DIP2C: variants seen among roughly 807,000 people sequenced by gnomAD.
DIP2C encodes DIP2 acetate--CoA ligase C (putative), also known as disco-interacting protein 2 homolog C.
DIP2C carries 33 observed loss-of-function variants against 192.4 expected under a neutral mutation model. The ratio of observed to expected loss-of-function variants is 0.17; its 90% CI spans 0.13 to 0.23. The LOEUF is 0.23. DIP2C is among the 10% of genes least tolerant of loss of function. The probability of loss-of-function intolerance (pLI) is 1.00; values close to 1 mark genes in which losing one functional copy is unlikely to be tolerated. For synonymous variants in DIP2C, 979 were observed against 864.1 expected, an observed-to-expected ratio of 1.13 and a Z score of -2.33; for missense variants, 1,537 against 2,110.1, an observed-to-expected ratio of 0.73 and a Z score of 5.32.
Position 344,399 on chromosome 10 carries a change from C to CG in DIP2C, c.3453+409dup, listed in dbSNP as rs10534838. Among the ~76,000 whole-genome samples, 292 of 118,364 alleles carry CG rather than the reference C, an allele frequency of 2.5e-3. 3 individuals carry two copies. The highest frequency in any genetic ancestry group is 5.6e-3 in the African/African-American group (180 of 32,424). 77.7% of individuals were successfully genotyped at this position (118,364 alleles called of 152,430 possible). A position where few individuals can be genotyped will look rare whatever the true frequency, so the allele number is the denominator to read the frequency against. On this transcript the variant is annotated intron_variant, in intron 28 of 36. Transcript: ENST00000280886. ...CCCCAAGGGTGGGGCGGGGGCGGGG[C>CG]GGGGGGGGGTTTGCACGGCACCTCG...
intron 32 of DIP2C, among the ~76,000 whole-genome samples, chr10:294,730 T>C (rs999978981): frequency 6.6e-6 from 1 of 152,134 alleles, no homozygotes. Flanking sequence ...AAAAAAAAAT[T>C]TATTTTTGGG....
intron 31 of DIP2C, among the ~76,000 whole-genome samples, chr10:313,171 T>G (rs1162724759): frequency 6.6e-6 from 1 of 152,208 alleles, no homozygotes; most frequent in African/African-American, 2.4e-5. Context: ...ATCTTCATAT[T>G]GCCAAAGAAT....
intron 1 of DIP2C, among the ~76,000 whole-genome samples, chr10:562,049 A>G (rs879126370): frequency 6.6e-6 from 1 of 152,250 alleles, no homozygotes; most frequent in Non-Finnish European, 1.5e-5. Context: ...CGAAGGATGC[A>G]TTTTAAAGAA....
intron 1 of DIP2C, among the ~76,000 whole-genome samples, chr10:609,259 G>T (rs1852895294): frequency 6.6e-6 from 1 of 152,068 alleles, no homozygotes; most frequent in African/African-American, 2.4e-5. Flanking sequence ...GTAAATTCTG[G>T]AATTAACAGG....
intron 1 of DIP2C, among the ~76,000 whole-genome samples, chr10:567,437 A>C (rs1588475951): frequency 6.6e-6 from 1 of 151,928 alleles, no homozygotes. Context: ...TGATCCACCC[A>C]CCTCAGCCTC....
chr10:464,084 G>A (rs764993693), intron 3 of DIP2C, among the ~76,000 whole-genome samples: 1 of 152,106 alleles, frequency 6.6e-6, no homozygotes, highest in Admixed American at 6.5e-5. Flanking sequence ...CATAGACATG[G>A]CCAAAGACTT....
In DIP2C at chr10:369,519, C is replaced by T. The variant is rs1034177054; in HGVS notation, c.2106G>A (p.Gln702=). Residue 702 remains glutamine (Q), a synonymous_variant, in exon 18 of 37, where the codon CAG becomes CAA. Coordinates refer to ENST00000280886, the MANE Select transcript of DIP2C (RefSeq NM_014974.3). ...SEEKLSVLTV[Q]DVGLVMPGAI... ...CTCCAGGCATCACGAGGCCGACATC[C>T]TGCACGGTGAGCACGGACAGCTTCT... 6.4e-7 allele frequency: 1 copy of T among 1,567,128 alleles called. No individual in the cohort carries two copies. Among genetic ancestry groups the T allele is most frequent in the Non-Finnish European group, 8.7e-7 (1 of 1,153,586 alleles).
At chr10:373,295 G>C (rs923025560) in intron 17 of DIP2C, among the ~76,000 whole-genome samples, 2 of 152,142 alleles carry the variant, frequency 1.3e-5, no homozygotes, top group Non-Finnish European at 2.9e-5. Context: ...ACAGTCAAAA[G>C]GCAAAGTCCC....
At chr10:484,871 G>C (rs374230657) in intron 2 of DIP2C, 7 of 1,611,722 alleles carry the variant, frequency 4.3e-6, no homozygotes, top group Non-Finnish European at 5.9e-6. Flanking sequence ...ACCCCGATGT[G>C]GGCAGAGCGG....
chr10:299,796 C>CA (rs879830710), intron 32 of DIP2C, among the ~76,000 whole-genome samples: 24 of 150,156 alleles, frequency 1.6e-4, no homozygotes, highest in Non-Finnish European at 2.2e-4. Context: ...ATTCAATAGC[C>CA]AAAAAAAACT....
chr10:503,029 G>C (rs1410506019), intron 1 of DIP2C, among the ~76,000 whole-genome samples: 1 of 151,318 alleles, frequency 6.6e-6, no homozygotes, highest in Non-Finnish European at 1.5e-5. Flanking sequence ...AATTCCGCCA[G>C]AACACTAACC....
intron 1 of DIP2C, among the ~76,000 whole-genome samples, chr10:506,211 C>A (rs1211413809): frequency 2.0e-5 from 3 of 152,158 alleles, no homozygotes; most frequent in Admixed American, 6.5e-5. Flanking sequence ...GCCTGGAGAC[C>A]ACCAGCCCAG....
intron 4 of DIP2C, among the ~76,000 whole-genome samples, chr10:439,517 TG>T (rs1160517884): frequency 6.6e-6 from 1 of 152,122 alleles, no homozygotes; most frequent in East Asian, 1.9e-4. Flanking sequence ...CTTGAGAGGC[TG>T]AAGTGGGAGG....
intron 1 of DIP2C, chr10:630,639 C>T (rs1484822705): frequency 1.3e-5 from 2 of 152,278 alleles, no homozygotes; most frequent in Non-Finnish European, 2.9e-5. Flanking sequence ...CTACCATGGC[C>T]GACGGCCTGA....
At chr10:523,375 CACCCACACACTCGTTTCTACCGG>C (rs1846843488) in intron 1 of DIP2C, among the ~76,000 whole-genome samples, 1 of 60,800 alleles carries the variant, frequency 1.6e-5, no homozygotes, top group African/African-American at 5.5e-5. Flanking sequence ...GACTCTGTGT[CACCCACACACTCGTTTCTACCGG>C]ATGCAAAGGA....
chr10:372,796 G>A (rs535435123), intron 17 of DIP2C, among the ~76,000 whole-genome samples: 380 of 150,950 alleles, frequency 2.5e-3, no homozygotes, highest in African/African-American at 7.6e-3. Flanking sequence ...GGAGCTCCCG[G>A]CACACAGGCA....
intron 16 of DIP2C, among the ~76,000 whole-genome samples, chr10:383,191 G>A (rs751294532): frequency 2.6e-5 from 4 of 151,944 alleles, no homozygotes; most frequent in Non-Finnish European, 5.9e-5. Flanking sequence ...TATGCAAGAT[G>A]TATTGTTTTG....
chr10:283,249 G>A (rs1451035713), intron 35 of DIP2C, 23 bp downstream of exon 35: 2 of 1,580,846 alleles, frequency 1.3e-6, no homozygotes, highest in African/African-American at 2.7e-5. Context: ...TGTTGGGGGG[G>A]GGCCGCCAGC....
intron 1 of DIP2C, among the ~76,000 whole-genome samples, chr10:489,521 T>C (rs749191953): frequency 6.6e-6 from 1 of 152,254 alleles, no homozygotes; most frequent in Non-Finnish European, 1.5e-5. Context: ...GGCCTGACCT[T>C]CAATCAATGC....
Sources: allele counts gnomAD v4.1 joint callset (sites outside exome capture counted in the v4.1 genomes callset), GRCh38; gene constraint gnomAD v4.1.1; transcripts MANE v1.5; gene names NCBI Gene and HGNC (gene_info 2026-07-23, HGNC 2026-07-21).